Variants in PDE1C observed in about 807,000 individuals in gnomAD.
The protein encoded by PDE1C is dual specificity calcium/calmodulin-dependent 3',5'-cyclic nucleotide phosphodiesterase 1C.
Under a neutral mutation model 93.1 loss-of-function variants are expected in PDE1C, and 62 were observed. The ratio of observed to expected loss-of-function variants is 0.67; its 90% CI spans 0.54 to 0.82. The LOEUF (loss-of-function observed/expected upper bound fraction) is 0.82, where lower values mean the gene tolerates loss of function less well. Among genes scored for constraint, PDE1C ranks in the 40% least tolerant of loss-of-function variants. The pLI is 0.00. For missense variants in PDE1C, 742 were observed against 884.6 expected (o/e 0.84, Z 2.04); for synonymous variants, 325 against 310.1 (o/e 1.05, Z -0.50).
At chr7:32,427,329 C>T (rs1227748840) in intron 1 of PDE1C, among the ~76,000 whole-genome samples, 1 of 152,138 alleles carries the variant, frequency 6.6e-6, no homozygotes, top group Non-Finnish European at 1.5e-5. Context: ...ATGAAAGCAG[C>T]ACGTCCACCT....
chr7:31,790,881 C>T lies in PDE1C; in HGVS notation c.1892-15149G>A, dbSNP rs879936713. On this transcript the variant is annotated intron_variant, in intron 16 of 17. Transcript: ENST00000396191. ...TGTATTTCTTTTCAACTGGCATGCT[C>T]TACCCCATGTAACCTCAAAGGTCTT... Among the ~76,000 whole-genome samples, 26 of 152,146 alleles carry T rather than the reference C, an allele frequency of 1.7e-4. 1 individual carries two copies. Among genetic ancestry groups the T allele is most frequent in the African/African-American group, 5.6e-4 (23 of 41,434 alleles).
the PDE1C span, chr7:31,692,499 C>A: frequency 1.2e-6 from 2 of 1,610,102 alleles, no homozygotes; most frequent in East Asian, 2.2e-5. Flanking sequence ...ACTGGACAAG[C>A]TAGACCCTCG....
chr7:31,679,793 A>G, the PDE1C span, among the ~76,000 whole-genome samples: 3 of 152,268 alleles, frequency 2.0e-5, no homozygotes, highest in Middle Eastern at 3.4e-3. Flanking sequence ...GCAGCCTTAT[A>G]TGAACGCTTG....
chr7:32,373,934 C>A (rs1317891295), intron 1 of PDE1C, among the ~76,000 whole-genome samples: 2 of 151,686 alleles, frequency 1.3e-5, no homozygotes, highest in African/African-American at 4.9e-5. Context: ...TTGCAGTGAG[C>A]CAAAGTGAGC....
At chr7:32,017,975 G>A (rs1258602178) in intron 2 of PDE1C, among the ~76,000 whole-genome samples, 1 of 151,992 alleles carries the variant, frequency 6.6e-6, no homozygotes, top group Non-Finnish European at 1.5e-5. Flanking sequence ...TGCTACTTGG[G>A]AGGCTGAGGT....
intron 3 of PDE1C, among the ~76,000 whole-genome samples, chr7:32,078,996 G>A (rs1437138824): frequency 6.6e-6 from 1 of 152,086 alleles, no homozygotes; most frequent in Non-Finnish European, 1.5e-5. Flanking sequence ...AATCTGTTGA[G>A]CAGGTGTGTA....
chr7:32,171,824 T>C (rs1327067020), intron 2 of PDE1C, among the ~76,000 whole-genome samples: 1 of 148,116 alleles, frequency 6.8e-6, no homozygotes, highest in Admixed American at 6.8e-5. Flanking sequence ...GACTAGCATA[T>C]AAGGAAAGTC....
intron 3 of PDE1C, among the ~76,000 whole-genome samples, chr7:32,127,424 A>G (rs1043473069): frequency 6.6e-6 from 1 of 152,140 alleles, no homozygotes; most frequent in African/African-American, 2.4e-5. Flanking sequence ...AGAGTACTTT[A>G]CTATAATAGG....
At chr7:31,695,399 A>G in the PDE1C span, 6 of 1,428,006 alleles carry the variant, frequency 4.2e-6, no homozygotes, top group South Asian at 7.0e-5. Context: ...GCAATTAGGA[A>G]CCAAACAGTT....
chr7:32,375,717 G>A (rs1459107539), intron 1 of PDE1C, among the ~76,000 whole-genome samples: 1 of 152,232 alleles, frequency 6.6e-6, no homozygotes, highest in African/African-American at 2.4e-5. Context: ...CTGCTCTGCT[G>A]CCAACAGCTT....
At chr7:32,360,485 G>A (rs200370032) in intron 1 of PDE1C, among the ~76,000 whole-genome samples, 35 of 12,730 alleles carry the variant, frequency 2.7e-3, no homozygotes, top group Non-Finnish European at 0.014. Context: ...AAGGGAAGCG[G>A]TGGAGAGTGT....
rs114557007 is a variant in PDE1C, at chr7:32,050,372, G to A, written c.128+1182C>T. On this transcript the variant is annotated intron_variant, in intron 2 of 17. Transcript: ENST00000396191. The stretch of plus-strand genomic sequence containing the variant: ...GCTAAGTTTAAAGAATAAAGATGGA[G>A]GTTGGAAGTAGCAAGAAATGACGCT... Among the ~76,000 whole-genome samples the A allele has an allele frequency of 1.3e-3, 199 of 152,272 alleles. 2 individuals carry two copies. Among genetic ancestry groups the A allele is most frequent in the African/African-American group, 4.7e-3 (194 of 41,554 alleles).
the PDE1C span, among the ~76,000 whole-genome samples, chr7:31,724,135 G>A: frequency 1.3e-5 from 2 of 152,086 alleles, no homozygotes; most frequent in African/African-American, 4.8e-5. Flanking sequence ...CTGTTATCCT[G>A]GCAACCATCC....
chr7:31,724,171 G>A, the PDE1C span, among the ~76,000 whole-genome samples: 7 of 152,186 alleles, frequency 4.6e-5, no homozygotes, highest in Admixed American at 3.9e-4. Context: ...CTTTGTGGCT[G>A]AATGCAGGGC....
intron 2 of PDE1C, among the ~76,000 whole-genome samples, chr7:32,201,023 TC>T (rs1434809007): frequency 2.0e-5 from 3 of 152,200 alleles, no homozygotes. Context: ...GTTACTAGAT[TC>T]CATGGACTTA....
chr7:31,939,726 C>T (rs1805567192), intron 2 of PDE1C, among the ~76,000 whole-genome samples: 1 of 151,996 alleles, frequency 6.6e-6, no homozygotes, highest in Admixed American at 6.6e-5. Context: ...CCAAAAAGAC[C>T]AATGAATTAT....
chr7:32,338,417 A>C (rs1308127151), intron 1 of PDE1C, among the ~76,000 whole-genome samples: 2 of 152,206 alleles, frequency 1.3e-5, no homozygotes, highest in Non-Finnish European at 2.9e-5. Flanking sequence ...AAACCCCAAT[A>C]AGATATCACT....
chr7:31,906,189 T>C (rs985459031), intron 2 of PDE1C, among the ~76,000 whole-genome samples: 6 of 152,242 alleles, frequency 3.9e-5, no homozygotes, highest in African/African-American at 9.6e-5. Flanking sequence ...CTTCTCTTTA[T>C]GTTAAACATT....
At chr7:32,271,294 TTTTG>T (rs1317775542) in intron 1 of PDE1C, among the ~76,000 whole-genome samples, 2 of 152,196 alleles carry the variant, frequency 1.3e-5, no homozygotes, top group South Asian at 2.1e-4. Flanking sequence ...GAGTTTTGCT[TTTTG>T]TTTGTTTTTT....
Sources: allele counts gnomAD v4.1 joint callset (sites outside exome capture counted in the v4.1 genomes callset), GRCh38; gene constraint gnomAD v4.1.1; transcripts MANE v1.5; gene names NCBI Gene and HGNC (gene_info 2026-07-23, HGNC 2026-07-21).